TEX15: variants seen among roughly 807,000 people sequenced by gnomAD.
The protein encoded by TEX15 is testis expressed 15, meiosis and synapsis associated, also known as testis-expressed protein 15.
Under a neutral mutation model 237.3 loss-of-function variants are expected in TEX15, and 171 were observed. The observed-to-expected ratio is 0.72, with a 90% CI of 0.64 to 0.82. The LOEUF is 0.82. Ranked by LOEUF, TEX15 falls within the 40% of genes least tolerant of loss-of-function variation. The pLI, the probability that TEX15 is intolerant of heterozygous loss-of-function variation, is 0.00. For synonymous variants in TEX15, 1,338 were observed against 1,269.8 expected, an observed-to-expected ratio of 1.05 and a Z score of -1.14; for missense variants, 3,750 against 3,646.5, an observed-to-expected ratio of 1.03 and a Z score of -0.73.
At chr8:30,909,688 G>C (rs1330284123) in intron 1 of TEX15, among the ~76,000 whole-genome samples, 1 of 152,066 alleles carries the variant, frequency 6.6e-6, no homozygotes, top group Non-Finnish European at 1.5e-5. Context: ...CCTACTACTT[G>C]ACTAACTTTA....
chr8:30,888,414 T>C (rs183304764), intron 2 of TEX15, among the ~76,000 whole-genome samples: 3 of 152,280 alleles, frequency 2.0e-5, no homozygotes, highest in African/African-American at 7.2e-5. Context: ...ATTCTATAAA[T>C]GCTTAAGACA....
At position 30,842,930 on chromosome 8, in the gene TEX15, T is replaced by C. The variant is rs1250554301; in HGVS notation, c.7237A>G (p.Met2413Val). Residue 2413 changes from methionine (M) to valine (V), a missense_variant, in exon 8 of 11, where the codon ATG (methionine) becomes GTG (valine). By Grantham distance (21) the Met-to-Val change is conservative. Transcript: ENST00000643185. ...TCTTCTGTGATAAAAATATTATCCATGTTATTATCTTGTAGCATCTGAAAG... is the reference window on the plus strand; with the variant it reads ...TCTTCTGTGATAAAAATATTATCCACGTTATTATCTTGTAGCATCTGAAAG... The part of the protein sequence containing the change: ...KYFQMLQDNN[M>V]DNIFITEENV... 7 of 1,610,278 alleles carry C rather than the reference T, an allele frequency of 4.3e-6. No homozygotes were observed. The highest frequency in any genetic ancestry group is 5.9e-6 in the Non-Finnish European group (7 of 1,178,168).
At position 30,846,834 on chromosome 8, in the gene TEX15, C is replaced by T. The variant is rs1807626767; in HGVS notation, c.3333G>A (p.Gly1111=). The change falls in exon 8 of 11, where the codon GGG becomes GGA. Residue 1111 remains glycine, a synonymous_variant. Coordinates refer to ENST00000643185, the MANE Select transcript of TEX15 (RefSeq NM_001350162.2). ...SWEGLLALDN[G]EMEVLESTTG... The stretch of plus-strand genomic sequence containing the variant: ...TGGTGCTTTCCAAAACTTCCATCTC[C>T]CCGTTATCAAGTGCTAACAGACCTT... 1.2e-6 allele frequency: 2 copies of T among 1,613,798 alleles called. No homozygotes were observed. The highest frequency in any genetic ancestry group is 1.3e-5 in the African/African-American group (1 of 74,906).
At chr8:30,888,702 A>G (rs910888381) in intron 2 of TEX15, 12 of 1,243,898 alleles carry the variant, frequency 9.6e-6, no homozygotes, top group Non-Finnish European at 1.2e-5. Context: ...ATTAGATCAC[A>G]ATCCAAATTA....
In TEX15 at chr8:30,836,907, C is replaced by T. The variant is rs778827304; in HGVS notation, c.9377G>A (p.Arg3126Gln). ...AGCATATTGTGAAAAAATTGGCTGC[C>T]GAAAATTAGAAGCAGGTATTTGAGA... Reference protein sequence around the residue: ...FQSQIPASNFRQPIFSQYASH... With the variant: ...FQSQIPASNFQQPIFSQYASH... Residue 3126 changes from arginine to glutamine, a missense_variant, in exon 10 of 11, where the codon CGG becomes CAG. Physicochemically the swap from Arg to Gln is conservative, Grantham distance 43. Coordinates refer to ENST00000643185, the MANE Select transcript of TEX15 (RefSeq NM_001350162.2). 10 of 1,613,846 alleles carry T rather than the reference C, an allele frequency of 6.2e-6. No individual in the cohort carries two copies. The highest frequency in any genetic ancestry group is 3.3e-5 in the South Asian group (3 of 91,060).
At chr8:30,862,835 C>T (rs776564985) in intron 5 of TEX15, among the ~76,000 whole-genome samples, 27 of 151,974 alleles carry the variant, frequency 1.8e-4, no homozygotes, top group Non-Finnish European at 3.7e-4. Context: ...TAAATCTTAA[C>T]CAATTTATCT....
intron 7 of TEX15, among the ~76,000 whole-genome samples, chr8:30,854,922 C>T (rs1769262126): frequency 6.6e-6 from 1 of 151,926 alleles, no homozygotes; most frequent in Non-Finnish European, 1.5e-5. Context: ...TGAGAAAATC[C>T]AATAGTCTAA....
At chr8:30,862,566 A>C (rs1808073449) in intron 5 of TEX15, among the ~76,000 whole-genome samples, 1 of 152,174 alleles carries the variant, frequency 6.6e-6, no homozygotes, top group Non-Finnish European at 1.5e-5. Flanking sequence ...TAAAATCCTT[A>C]TCTATTACTT....
At position 30,842,293 on chromosome 8, in the gene TEX15, A is replaced by G. The variant is rs1297424224; in HGVS notation, c.7874T>C (p.Ile2625Thr). 2 of 1,613,804 alleles carry G rather than the reference A, an allele frequency of 1.2e-6. No individual in the cohort carries two copies. Among genetic ancestry groups the G allele is most frequent in the Non-Finnish European group, 1.7e-6 (2 of 1,179,852 alleles). ...VMKTIEHMKMICTKNAELTIS... is the reference protein window; with the variant it reads ...VMKTIEHMKMTCTKNAELTIS... ...GGTTAGTTCAGCATTTTTAGTACATATCATCTTCATATGTTCAATCGTTTT... is the reference window on the plus strand; with the variant it reads ...GGTTAGTTCAGCATTTTTAGTACATGTCATCTTCATATGTTCAATCGTTTT... The change falls in exon 8 of 11, where the codon ATA (isoleucine) becomes ACA (threonine). Residue 2625 changes from isoleucine (I) to threonine (T), a missense_variant. By Grantham distance (89) the Ile-to-Thr change is moderately conservative. Transcript: ENST00000643185.
intron 7 of TEX15, among the ~76,000 whole-genome samples, chr8:30,850,646 G>A (rs2128768751): frequency 6.6e-6 from 1 of 151,986 alleles, no homozygotes; most frequent in Admixed American, 6.5e-5. Flanking sequence ...AGAAGAAAAT[G>A]GAAATGTAGA....
intron 4 of TEX15, among the ~76,000 whole-genome samples, chr8:30,872,675 G>A (rs1056990357): frequency 5.3e-4 from 81 of 152,142 alleles, no homozygotes; most frequent in African/African-American, 1.9e-3. Flanking sequence ...TGATATTGAT[G>A]ATCCTGACCC....
At chr8:30,885,864 T>C (rs913981043) in intron 3 of TEX15, among the ~76,000 whole-genome samples, 2 of 152,238 alleles carry the variant, frequency 1.3e-5, no homozygotes, top group African/African-American at 4.8e-5. Flanking sequence ...TATTAGTTTT[T>C]GCCTGAGTTT....
Position 30,842,310 on chromosome 8 carries a change from A to T in TEX15, c.7857T>A (p.Ile2619=). The stretch of plus-strand genomic sequence containing the variant: ...TAGTACATATCATCTTCATATGTTC[A>T]ATCGTTTTCATGACTTTCCTAATGT... ...MAHIRKVMKT[I]EHMKMICTKN... is the part of the protein sequence containing the mutation. Residue 2619 remains isoleucine, a synonymous_variant, in exon 8 of 11, where the codon ATT becomes ATA. Transcript: ENST00000643185. 2 of 1,613,840 alleles carry T rather than the reference A, an allele frequency of 1.2e-6. No homozygotes were observed. Among genetic ancestry groups the T allele is most frequent in the Non-Finnish European group, 1.7e-6 (2 of 1,179,872 alleles).
In TEX15 at chr8:30,846,156, C is replaced by T. The variant is rs772186690; in HGVS notation, c.4011G>A (p.Glu1337=). 16 of 1,613,436 alleles carry T rather than the reference C, an allele frequency of 9.9e-6. No homozygotes were observed. The highest frequency in any genetic ancestry group is 1.3e-5 in the Non-Finnish European group (15 of 1,179,588). Residue 1337 remains glutamate, a synonymous_variant, in exon 8 of 11, where the codon GAG becomes GAA. Transcript: ENST00000643185. ...KRRLTSQDSS[E]CFSSLSQGRI... ...GTCCTTGGGATAATGAAGAGAAACA[C>T]TCAGATGAGTCTTGACTGGTTAGCC... is the stretch of plus-strand genomic sequence containing the variant.
At chr8:30,858,922 A>C in intron 6 of TEX15, 92 bp from the exon 7 acceptor site, 3 of 833,880 alleles carry the variant, frequency 3.6e-6, no homozygotes, top group Non-Finnish European at 5.2e-6. Flanking sequence ...ATTGCATATT[A>C]TTTATATACT....
At chr8:30,839,127 T>G (rs980073005) in intron 9 of TEX15, among the ~76,000 whole-genome samples, 1 of 152,066 alleles carries the variant, frequency 6.6e-6, no homozygotes, top group Non-Finnish European at 1.5e-5. Flanking sequence ...GTAATTAGAT[T>G]TTTTGGTGCT....
Position 30,833,343 on chromosome 8 carries a change from A to C in TEX15, c.9482-20T>G. On this transcript the variant is annotated intron_variant, in intron 10 of 10. Transcript: ENST00000643185. ...ATGGAGCTGGAAGAAAAAACACCAC[A>C]AAGATTTAAATAAATAATTTAGACT... is the stretch of plus-strand genomic sequence containing the variant. 2 of 1,570,412 alleles carry C rather than the reference A, an allele frequency of 1.3e-6. No homozygotes were observed. Among genetic ancestry groups the C allele is most frequent in the Non-Finnish European group, 1.7e-6 (2 of 1,150,972 alleles).
At chr8:30,888,212 G>A (rs2128776281) in intron 2 of TEX15, among the ~76,000 whole-genome samples, 1 of 151,818 alleles carries the variant, frequency 6.6e-6, no homozygotes, top group African/African-American at 2.4e-5. Context: ...ACCATGCCCA[G>A]CCCAAATACT....
chr8:30,833,161 C>A lies in TEX15; in HGVS notation c.*125G>T, dbSNP rs973421968. 4 of 647,994 alleles carry A rather than the reference C, an allele frequency of 6.2e-6. No homozygotes were observed. The African/African-American group carries it at 7.4e-5, about 12-fold the overall frequency. The allele number at this position is 647,994 out of a possible 1,614,324, so 40.1% of individuals were successfully genotyped here. A position where few individuals can be genotyped will look rare whatever the true frequency, so the allele number is the denominator to read the frequency against. The stretch of plus-strand genomic sequence containing the variant: ...GATTATTTGTATATTTTACAAAGGA[C>A]CATATGATTTATATTTCCTACCACA... On this transcript the variant is annotated 3_prime_UTR_variant, in exon 11 of 11. Transcript: ENST00000643185.
Sources: allele counts gnomAD v4.1 joint callset (sites outside exome capture counted in the v4.1 genomes callset), GRCh38; gene constraint gnomAD v4.1.1; transcripts MANE v1.5; gene names NCBI Gene and HGNC (gene_info 2026-07-23, HGNC 2026-07-21).